The following TIFA variants were observed in gnomAD, a reference collection of about 807,000 sequenced individuals.
TIFA encodes the protein TRAF-interacting protein with FHA domain-containing protein A.
For missense variants in TIFA, 186 were observed against 215.2 expected (o/e 0.86, Z 0.85); for synonymous variants, 75 against 79.2 (o/e 0.95, Z 0.28).
At chr4:112,280,812 A>G (rs992166722) in intron 1 of TIFA, among the ~76,000 whole-genome samples, 3 of 152,208 alleles carry the variant, frequency 2.0e-5, no homozygotes, top group Admixed American at 6.5e-5. Flanking sequence ...TTTTCATAAT[A>G]TATTTTTGAA....
Position 112,278,112 on chromosome 4 carries a change from T to A in TIFA, c.305A>T (p.Glu102Val). ...KKTNLIVDSR[E>V]LGYLNKMDLP... ...GTCCATTTTATTTAGGTAGCCCAGC[T>A]CTCTGCTGTCCACGATCAGATTGGT... is the stretch of plus-strand genomic sequence containing the variant. The change falls in exon 2 of 2, where the codon GAG becomes GTG. Residue 102 changes from glutamate to valine, a missense_variant. Physicochemically the swap from Glu to Val is moderately radical, Grantham distance 121 (BLOSUM62 -2). Transcript: ENST00000361717. The A allele has an allele frequency of 6.2e-7, 1 of 1,614,054 alleles. No individual in the cohort carries two copies. Among genetic ancestry groups the A allele is most frequent in the East Asian group, 2.2e-5 (1 of 44,886 alleles).
chr4:112,282,563 T>C (rs997546145), intron 1 of TIFA, among the ~76,000 whole-genome samples: 1 of 152,226 alleles, frequency 6.6e-6, no homozygotes, highest in Admixed American at 6.5e-5. Flanking sequence ...TATCTAACTA[T>C]GTGCTCCAAG....
chr4:112,279,131 A>G (rs982979961), intron 1 of TIFA, among the ~76,000 whole-genome samples: 1 of 152,250 alleles, frequency 6.6e-6, no homozygotes, highest in Admixed American at 6.5e-5. Flanking sequence ...CTGCACTGGT[A>G]TCAGAATTAT....
At position 112,277,957 on chromosome 4, in the gene TIFA, A is replaced by G; in HGVS notation, c.460T>C (p.Trp154Arg). The G allele has an allele frequency of 6.2e-7, 1 of 1,614,056 alleles. No individual in the cohort carries two copies. Among genetic ancestry groups the G allele is most frequent in the African/African-American group, 1.3e-5 (1 of 75,032 alleles). Reference sequence around the variant, plus strand: ...TCCGGTATGGGCCTGTGTGGTGGCCAGTTGTTTTCTTGCAAGAGTGATCTT... The same window carrying G: ...TCCGGTATGGGCCTGTGTGGTGGCCGGTTGTTTTCTTGCAAGAGTGATCTT... The part of the protein sequence containing the change: ...SPRSLLQENN[W>R]PPHRPIPEYG... The change falls in exon 2 of 2, where the codon TGG (tryptophan) becomes CGG (arginine). Residue 154 changes from tryptophan to arginine, a missense_variant. Physicochemically the swap from Trp to Arg is moderately radical, Grantham distance 101 (BLOSUM62 -3). Coordinates refer to ENST00000361717, the MANE Select transcript of TIFA (RefSeq NM_052864.3).
chr4:112,284,338 CT>C (rs1037054398), intron 1 of TIFA, among the ~76,000 whole-genome samples: 1 of 151,888 alleles, frequency 6.6e-6, no homozygotes, highest in Non-Finnish European at 1.5e-5. Context: ...CACTAAGGTC[CT>C]GCAAAGCCCG....
intron 1 of TIFA, among the ~76,000 whole-genome samples, chr4:112,282,820 C>G (rs991337378): frequency 6.6e-6 from 1 of 152,168 alleles, no homozygotes; most frequent in African/African-American, 2.4e-5. Flanking sequence ...CACTTCCCAC[C>G]CTACTTTATA....
chr4:112,279,725 G>A (rs1332958709), intron 1 of TIFA, among the ~76,000 whole-genome samples: 1 of 151,112 alleles, frequency 6.6e-6, no homozygotes, highest in African/African-American at 2.4e-5. Context: ...GGAGTGCAAT[G>A]GCGCAATCTC....
rs951099505 is a variant in TIFA, at chr4:112,274,993, T to C, written c.*2869A>G. 4.6e-5 allele frequency: 7 copies of C among 152,134 alleles called. No homozygotes were observed. The highest frequency in any genetic ancestry group is 1.7e-4 in the African/African-American group (7 of 41,418). 9.4% of individuals were successfully genotyped at this position (152,134 alleles called of 1,614,324 possible). A position where few individuals can be genotyped will look rare whatever the true frequency, so the allele number is the denominator to read the frequency against. On this transcript the variant is annotated 3_prime_UTR_variant, in exon 2 of 2. Transcript: ENST00000361717. ...CCTAAGGAGCCCCAGAAAAATCACT[T>C]TCCAGGGACAAAGAAGTCCTTAAAG...
Position 112,277,671 on chromosome 4 carries a change from C to CTCGGTGGTCGCCGTATCATTAAAAAATGA in TIFA, c.*190_*191insTCATTTTTTAATGATACGGCGACCACCGA. On this transcript the variant is annotated 3_prime_UTR_variant, in exon 2 of 2. Transcript: ENST00000361717. ...GCAGTTAAAATAATTTTGTGTAGAT[C>CTCGGTGGTCGCCGTATCATTAAAAAATGA]CAGAATACAACAGGTGACTAAGTTA... is the stretch of plus-strand genomic sequence containing the variant. 3 of 409,582 alleles carry CTCGGTGGTCGCCGTATCATTAAAAAATGA rather than the reference C, an allele frequency of 7.3e-6. No individual in the cohort carries two copies. The highest frequency in any genetic ancestry group is 6.8e-5 in the South Asian group (1 of 14,774). 25.4% of individuals were successfully genotyped at this position (409,582 alleles called of 1,614,324 possible). A position where few individuals can be genotyped will look rare whatever the true frequency, so the allele number is the denominator to read the frequency against.
chr4:112,282,612 C>T (rs1321551352), intron 1 of TIFA, among the ~76,000 whole-genome samples: 1 of 152,168 alleles, frequency 6.6e-6, no homozygotes, highest in African/African-American at 2.4e-5. Context: ...AGTTGACAGT[C>T]GATTTGCAGA....
chr4:112,281,452 T>C (rs529345098), intron 1 of TIFA, among the ~76,000 whole-genome samples: 35 of 152,328 alleles, frequency 2.3e-4, no homozygotes, highest in African/African-American at 8.4e-4. Flanking sequence ...CATTCTGGTT[T>C]ATACATCAGT....
intron 1 of TIFA, among the ~76,000 whole-genome samples, chr4:112,280,584 A>G (rs1016040112): frequency 1.3e-5 from 2 of 152,038 alleles, no homozygotes; most frequent in African/African-American, 4.8e-5. Flanking sequence ...TCCTGAGCTT[A>G]GGCAATCCAC....
chr4:112,275,884 T>TA lies in TIFA; in HGVS notation c.*1977dup, dbSNP rs1236654668. ...ATGTGACAGTATACACACATTAAAG[T>TA]ATATACACTTCACTCATAGAACGCC... On this transcript the variant is annotated 3_prime_UTR_variant, in exon 2 of 2. Coordinates refer to ENST00000361717, the MANE Select transcript of TIFA (RefSeq NM_052864.3). The TA allele has an allele frequency of 6.6e-6, 1 of 152,076 alleles. No homozygotes were observed. Among genetic ancestry groups the TA allele is most frequent in the Admixed American group, 6.6e-5 (1 of 15,262 alleles). 9.4% of individuals were successfully genotyped at this position (152,076 alleles called of 1,614,324 possible). A position where few individuals can be genotyped will look rare whatever the true frequency, so the allele number is the denominator to read the frequency against.
intron 1 of TIFA, among the ~76,000 whole-genome samples, chr4:112,282,668 T>C (rs1029660435): frequency 2.6e-5 from 4 of 152,194 alleles, no homozygotes; most frequent in African/African-American, 9.7e-5. Flanking sequence ...GGGTGGCCTC[T>C]GAACTCACAC....
At chr4:112,283,621 AT>A (rs932285699) in intron 1 of TIFA, among the ~76,000 whole-genome samples, 2 of 152,216 alleles carry the variant, frequency 1.3e-5, no homozygotes, top group African/African-American at 4.8e-5. Flanking sequence ...ATTTTAAAAA[AT>A]CATTGGTGCA....
chr4:112,283,431 G>A (rs186000667), intron 1 of TIFA, among the ~76,000 whole-genome samples: 59 of 152,274 alleles, frequency 3.9e-4, no homozygotes, highest in Non-Finnish European at 6.6e-4. Flanking sequence ...GTGGCAGGTT[G>A]TTTGGAGACC....
chr4:112,277,694 T>TCGCCG lies in TIFA; in HGVS notation c.*167_*168insCGGCG. On this transcript the variant is annotated 3_prime_UTR_variant, in exon 2 of 2. Transcript: ENST00000361717. ...ATCCAGAATACAACAGGTGACTAAG[T>TCGCCG]TAATGACTAACACAATTTACAGACT... is the stretch of plus-strand genomic sequence containing the variant. 10 of 483,038 alleles carry TCGCCG rather than the reference T, an allele frequency of 2.1e-5. No homozygotes were observed. Among genetic ancestry groups the TCGCCG allele is most frequent in the Non-Finnish European group, 2.2e-5 (7 of 313,838 alleles). The allele number at this position is 483,038 out of a possible 1,614,324, so 29.9% of individuals were successfully genotyped here.
At chr4:112,282,729 T>C (rs867332853) in intron 1 of TIFA, among the ~76,000 whole-genome samples, 2 of 152,250 alleles carry the variant, frequency 1.3e-5, no homozygotes, top group Middle Eastern at 6.8e-3. Flanking sequence ...TTATATAACT[T>C]ATATTTCTGC....
chr4:112,278,594 A>G (rs1217321180), intron 1 of TIFA, among the ~76,000 whole-genome samples, 160 bp from the exon 2 acceptor site: 1 of 152,222 alleles, frequency 6.6e-6, no homozygotes, highest in Admixed American at 6.5e-5. Context: ...GATATGTGAA[A>G]TCTTATACCA....
Sources: gnomAD v4.1 joint callset for allele counts (sites outside exome capture counted in the v4.1 genomes callset) on GRCh38, gnomAD v4.1.1 for gene constraint, MANE v1.5 for transcripts, NCBI Gene and HGNC (gene_info 2026-07-23, HGNC 2026-07-21) for gene names.